Variants in RALYL observed in about 807,000 individuals in gnomAD.
RALYL encodes the protein RNA-binding Raly-like protein.
RALYL carries 29 observed loss-of-function variants against 35.1 expected under a neutral mutation model. That is an observed-to-expected ratio of 0.83 (90% CI 0.61 to 1.13). The LOEUF (loss-of-function observed/expected upper bound fraction) is 1.13. Among genes scored for constraint, RALYL ranks in the 50% most tolerant of loss-of-function variants. The probability of loss-of-function intolerance (pLI) is 0.00; values close to 1 mark genes in which losing one functional copy is unlikely to be tolerated. For synonymous variants in RALYL, 120 were observed against 127.6 expected (o/e 0.94, Z 0.40); for missense variants, 359 against 360.4 (o/e 1.00, Z 0.03).
chr8:84,456,945 T>C lies in RALYL; in HGVS notation c.-23-72354T>C, dbSNP rs2050202633. On this transcript the variant is annotated intron_variant, in intron 1 of 8. Coordinates refer to ENST00000521268, the MANE Select transcript of RALYL (RefSeq NM_173848.7). ...TCAATTTTAGGAGTCGCTTTGAGCATCCACACATTTCTGCAGTATACAGTT... is the reference window on the plus strand; with the variant it reads ...TCAATTTTAGGAGTCGCTTTGAGCACCCACACATTTCTGCAGTATACAGTT... Among the ~76,000 whole-genome samples the C allele has an allele frequency of 2.0e-5, 3 of 152,116 alleles. No individual in the cohort carries two copies. The South Asian group carries it at 6.2e-4, about 32-fold the overall frequency.
intron 1 of RALYL, among the ~76,000 whole-genome samples, chr8:84,431,281 C>T (rs1003963763): frequency 1.3e-5 from 2 of 152,046 alleles, no homozygotes; most frequent in East Asian, 1.9e-4. Flanking sequence ...GGAAGCCAGG[C>T]ATTTTGACTC....
At position 84,810,878 on chromosome 8, in the gene RALYL, G is replaced by GT. The variant is rs376731371; in HGVS notation, c.365+6077dup. Among the ~76,000 whole-genome samples, 123 of 152,196 alleles carry GT rather than the reference G, an allele frequency of 8.1e-4. 2 individuals are homozygous for GT. Among genetic ancestry groups the GT allele is most frequent in the African/African-American group, 2.8e-3 (116 of 41,538 alleles). ...ACCCCTTTACTTTAAGTTTATGTGAGTCCTTACGTATTAGGTGAGTCTCCT... is the reference window on the plus strand; with the variant it reads ...ACCCCTTTACTTTAAGTTTATGTGAGTTCCTTACGTATTAGGTGAGTCTCCT... On this transcript the variant is annotated intron_variant, in intron 4 of 8. Coordinates refer to ENST00000521268, the MANE Select transcript of RALYL (RefSeq NM_173848.7).
intron 2 of RALYL, among the ~76,000 whole-genome samples, chr8:84,715,459 A>G (rs1418641928): frequency 6.6e-6 from 1 of 152,018 alleles, no homozygotes; most frequent in Non-Finnish European, 1.5e-5. Context: ...TCTCCTAAGG[A>G]ATCTAATAAA....
intron 3 of RALYL, among the ~76,000 whole-genome samples, chr8:84,777,482 T>G (rs1817103682): frequency 6.6e-6 from 1 of 152,186 alleles, no homozygotes; most frequent in South Asian, 2.1e-4. Flanking sequence ...AGTAAGTTCT[T>G]TTTGTAACAT....
At chr8:84,470,944 G>T (rs952284733) in intron 1 of RALYL, among the ~76,000 whole-genome samples, 7 of 152,140 alleles carry the variant, frequency 4.6e-5, no homozygotes, top group Admixed American at 1.3e-4. Context: ...CAGATGTCAT[G>T]TTACTATGGG....
intron 2 of RALYL, among the ~76,000 whole-genome samples, chr8:84,724,576 C>T (rs1222926926): frequency 6.6e-6 from 1 of 151,744 alleles, no homozygotes; most frequent in African/African-American, 2.4e-5. Flanking sequence ...CAGTCACAGG[C>T]TTTGATTCAG....
At position 84,319,833 on chromosome 8, in the gene RALYL, G is replaced by A. The variant is rs564306145; in HGVS notation, c.-24+135409G>A. On this transcript the variant is annotated intron_variant, in intron 1 of 8. Coordinates refer to ENST00000521268, the MANE Select transcript of RALYL (RefSeq NM_173848.7). ...TTTCTGTTACCCTTCCAAGGAAGAT[G>A]TATCTTCTGAACTGTAGTCATAATT... Among the ~76,000 whole-genome samples, 6 of 151,346 alleles carry A rather than the reference G, an allele frequency of 4.0e-5. No homozygotes were observed. In the South Asian group the frequency reaches 8.3e-4, roughly 21 times the overall value.
chr8:84,603,794 GATTA>G (rs894430425), intron 2 of RALYL, among the ~76,000 whole-genome samples: 6 of 152,094 alleles, frequency 3.9e-5, no homozygotes, highest in Non-Finnish European at 8.8e-5. Flanking sequence ...GTTATGGTTT[GATTA>G]ATTGTCTGGG....
intron 2 of RALYL, among the ~76,000 whole-genome samples, chr8:84,741,584 A>G (rs372338281): frequency 2.0e-5 from 3 of 152,094 alleles, no homozygotes; most frequent in East Asian, 3.9e-4. Flanking sequence ...TTACAAAGTC[A>G]TTAATCCCGT....
At position 84,845,238 on chromosome 8, in the gene RALYL, C is replaced by T. The variant is rs139223687; in HGVS notation, c.366-4742C>T. ...AAATGATTGTCCCCTCAATCAATAG[C>T]AATTGAATGCATCAAATATGTCTAG... On this transcript the variant is annotated intron_variant, in intron 4 of 8. Transcript: ENST00000521268. Among the ~76,000 whole-genome samples the T allele has an allele frequency of 6.3e-3, 953 of 152,276 alleles. 9 individuals are homozygous for T. The highest frequency in any genetic ancestry group is 0.022 in the African/African-American group (899 of 41,554).
chr8:84,460,233 G>A (rs1295724838), intron 1 of RALYL, among the ~76,000 whole-genome samples: 1 of 151,656 alleles, frequency 6.6e-6, no homozygotes, highest in Non-Finnish European at 1.5e-5. Flanking sequence ...ATCTATATTT[G>A]TGGAAGTCTA....
At chr8:84,607,632 A>G (rs989414960) in intron 2 of RALYL, among the ~76,000 whole-genome samples, 2 of 152,124 alleles carry the variant, frequency 1.3e-5, no homozygotes, top group African/African-American at 4.8e-5. Context: ...AATTCGGTCC[A>G]CTTGGGCATC....
chr8:84,749,484 A>G (rs751630368), intron 2 of RALYL, among the ~76,000 whole-genome samples: 2 of 152,186 alleles, frequency 1.3e-5, no homozygotes, highest in Non-Finnish European at 2.9e-5. Flanking sequence ...GAAGTCACCA[A>G]TAAATACAAT....
intron 3 of RALYL, among the ~76,000 whole-genome samples, chr8:84,785,833 A>T (rs1488928815): frequency 6.6e-6 from 1 of 152,188 alleles, no homozygotes; most frequent in African/African-American, 2.4e-5. Context: ...AGAGAAAAAA[A>T]CATTTTAAGT....
rs2061769104 is a variant in RALYL, at chr8:84,566,153, T to C, written c.256+36576T>C. Among the ~76,000 whole-genome samples, 3 of 151,562 alleles carry C rather than the reference T, an allele frequency of 2.0e-5. No individual in the cohort carries two copies. The South Asian group carries it at 6.2e-4, about 31-fold the overall frequency. On this transcript the variant is annotated intron_variant, in intron 2 of 8. Transcript: ENST00000521268. ...GTCATTAGGAGAAAGAATGATGATC[T>C]TGAATTGCATAGAACATTTCGTGCT...
At chr8:84,298,796 C>A (rs1197326380) in intron 1 of RALYL, among the ~76,000 whole-genome samples, 1 of 150,908 alleles carries the variant, frequency 6.6e-6, no homozygotes, top group Non-Finnish European at 1.5e-5. Flanking sequence ...GTTTTCCTAG[C>A]TTTGTGTGTG....
At chr8:84,436,306 A>G (rs1331033341) in intron 1 of RALYL, among the ~76,000 whole-genome samples, 2 of 152,252 alleles carry the variant, frequency 1.3e-5, no homozygotes, top group East Asian at 3.9e-4. Context: ...AGCAGTATTG[A>G]AGAGGTAGAG....
intron 1 of RALYL, among the ~76,000 whole-genome samples, chr8:84,497,128 T>G (rs1284393945): frequency 3.3e-5 from 5 of 152,114 alleles, no homozygotes; most frequent in African/African-American, 1.2e-4. Context: ...TCCATCCATA[T>G]CTTAGAATTT....
At chr8:84,767,269 A>G (rs1814322921) in intron 2 of RALYL, among the ~76,000 whole-genome samples, 1 of 152,158 alleles carries the variant, frequency 6.6e-6, no homozygotes, top group African/African-American at 2.4e-5. Context: ...TTTCAGTTCC[A>G]TAAGTTTATA....
Sources: gnomAD v4.1 joint callset for allele counts (sites outside exome capture counted in the v4.1 genomes callset) on GRCh38, gnomAD v4.1.1 for gene constraint, MANE v1.5 for transcripts, NCBI Gene and HGNC (gene_info 2026-07-23, HGNC 2026-07-21) for gene names.